Variants in MBD5 observed in about 807,000 individuals in gnomAD.
MBD5 encodes the protein methyl-CpG-binding domain protein 5.
In MBD5, 13 loss-of-function variants were observed where a neutral mutation model predicts 117.3. That is an observed-to-expected ratio of 0.11 (90% CI 0.07 to 0.18). The LOEUF (loss-of-function observed/expected upper bound fraction) is 0.18. Ranked by LOEUF, MBD5 falls within the 10% of genes least tolerant of loss-of-function variation. The pLI is 1.00. For missense variants in MBD5, 1,879 were observed against 2,093.8 expected (o/e 0.90, Z 2.00); for synonymous variants, 727 against 766.4 (o/e 0.95, Z 0.85).
At chr2:148,120,417 T>A (rs1396987961) in intron 1 of MBD5, among the ~76,000 whole-genome samples, 1 of 152,228 alleles carries the variant, frequency 6.6e-6, no homozygotes, top group East Asian at 1.9e-4. Flanking sequence ...AGTCTTCTAA[T>A]TCAGAAATGT....
chr2:148,502,591 C>A, intron 12 of MBD5, 82 bp downstream of exon 12: 2 of 1,337,244 alleles, frequency 1.5e-6, no homozygotes, highest in South Asian at 1.2e-5. Context: ...TGAAATCTCA[C>A]TGATTCTGTC....
intron 3 of MBD5, among the ~76,000 whole-genome samples, chr2:148,267,688 G>A (rs938938306): frequency 1.3e-5 from 2 of 151,918 alleles, no homozygotes; most frequent in African/African-American, 4.8e-5. Flanking sequence ...AATACATAGT[G>A]TTCTTTAACT....
At chr2:148,391,477 ATTTATATTACTTAAATCT>A (rs1355297914) in intron 4 of MBD5, among the ~76,000 whole-genome samples, 5 of 152,244 alleles carry the variant, frequency 3.3e-5, no homozygotes, top group African/African-American at 1.2e-4. Context: ...ATTTGATGTA[ATTTATATTACTTAAATCT>A]TTTTCCTGCC....
chr2:148,182,346 A>T (rs1373047000), intron 2 of MBD5, among the ~76,000 whole-genome samples: 1 of 152,152 alleles, frequency 6.6e-6, no homozygotes, highest in African/African-American at 2.4e-5. Flanking sequence ...AGAATTTCTA[A>T]TATTAAACCA....
At chr2:148,176,307 T>TTG (rs1042654153) in intron 1 of MBD5, among the ~76,000 whole-genome samples, 6 of 138,504 alleles carry the variant, frequency 4.3e-5, no homozygotes, top group African/African-American at 1.7e-4. Flanking sequence ...GAGTTTTGTT[T>TTG]TTTTTTTTTT....
At chr2:148,503,273 A>G (rs185212884) in intron 12 of MBD5, among the ~76,000 whole-genome samples, 118 of 152,314 alleles carry the variant, frequency 7.7e-4, no homozygotes, top group African/African-American at 2.8e-3. Context: ...CAAAAATTAT[A>G]TATTAGTTAA....
chr2:148,205,447 C>A (rs576783657), intron 2 of MBD5, among the ~76,000 whole-genome samples: 1 of 151,932 alleles, frequency 6.6e-6, no homozygotes, highest in African/African-American at 2.4e-5. Flanking sequence ...AAAGTATCAG[C>A]ATAATTTAAC....
intron 3 of MBD5, among the ~76,000 whole-genome samples, chr2:148,289,536 C>T (rs1383857220): frequency 6.6e-6 from 1 of 152,100 alleles, no homozygotes; most frequent in Non-Finnish European, 1.5e-5. Flanking sequence ...GCCATACCTA[C>T]ATAAAGGATA....
chr2:148,345,202 G>A (rs1182638783), intron 4 of MBD5, among the ~76,000 whole-genome samples: 27 of 148,880 alleles, frequency 1.8e-4, no homozygotes, highest in African/African-American at 3.7e-4. Flanking sequence ...GTGTATATAC[G>A]TATATATGTA....
At chr2:148,044,727 T>C (rs924919022) in intron 1 of MBD5, 8 of 152,172 alleles carry the variant, frequency 5.3e-5, no homozygotes, top group Admixed American at 2.6e-4. Flanking sequence ...TTAAAATTAG[T>C]TCAGTAAATA....
chr2:148,309,984 A>G (rs918713914), intron 3 of MBD5, among the ~76,000 whole-genome samples: 2 of 152,208 alleles, frequency 1.3e-5, no homozygotes, highest in Admixed American at 6.5e-5. Flanking sequence ...CTTGCATCCC[A>G]GGGATAAAGC....
At chr2:148,428,557 A>T (rs1480946552) in intron 4 of MBD5, among the ~76,000 whole-genome samples, 1 of 152,310 alleles carries the variant, frequency 6.6e-6, no homozygotes, top group East Asian at 1.9e-4. Context: ...AGGAAAAAGA[A>T]CAAAGCTGGA....
At chr2:148,130,649 AG>A (rs1210363476) in intron 1 of MBD5, among the ~76,000 whole-genome samples, 1 of 152,122 alleles carries the variant, frequency 6.6e-6, no homozygotes, top group Non-Finnish European at 1.5e-5. Context: ...ACTCCTCATC[AG>A]GGGAGACATG....
chr2:148,255,128 C>A (rs996315960), intron 3 of MBD5, among the ~76,000 whole-genome samples: 1 of 152,216 alleles, frequency 6.6e-6, no homozygotes, highest in African/African-American at 2.4e-5. Context: ...AGCATGTTAA[C>A]CTACGGTCAA....
intron 1 of MBD5, among the ~76,000 whole-genome samples, chr2:148,086,096 C>G (rs1402572835): frequency 6.6e-6 from 1 of 151,942 alleles, no homozygotes; most frequent in African/African-American, 2.4e-5. Context: ...TCAGTCACTT[C>G]TGGGCTATTG....
chr2:148,507,560 C>T (rs1033968742), intron 12 of MBD5, among the ~76,000 whole-genome samples: 1 of 151,188 alleles, frequency 6.6e-6, no homozygotes. Context: ...GAGATCGAGA[C>T]CATCCTGGCT....
At chr2:148,132,728 G>A (rs1244295774) in intron 1 of MBD5, among the ~76,000 whole-genome samples, 2 of 152,058 alleles carry the variant, frequency 1.3e-5, no homozygotes, top group African/African-American at 4.8e-5. Flanking sequence ...AGCTCAATGA[G>A]GGTAGGCTGG....
chr2:148,382,347 A>C (rs1300513467), intron 4 of MBD5, among the ~76,000 whole-genome samples: 1 of 152,222 alleles, frequency 6.6e-6, no homozygotes. Flanking sequence ...AAAGATCAAA[A>C]GAGACAAAGA....
intron 1 of MBD5, among the ~76,000 whole-genome samples, chr2:148,121,577 C>A (rs1033035582): frequency 6.6e-6 from 1 of 151,978 alleles, no homozygotes; most frequent in Non-Finnish European, 1.5e-5. Context: ...TGTTTTTATA[C>A]CTTGCCTGTT....
Sources: gnomAD v4.1 joint callset for allele counts (sites outside exome capture counted in the v4.1 genomes callset) on GRCh38, gnomAD v4.1.1 for gene constraint, MANE v1.5 for transcripts, NCBI Gene and HGNC (gene_info 2026-07-23, HGNC 2026-07-21) for gene names.